IFT81: variants seen among roughly 807,000 people sequenced by gnomAD.
The protein encoded by IFT81 is intraflagellar transport protein 81 homolog.
A neutral mutation model predicts 102.6 loss-of-function variants in IFT81; 72 were observed. That is an observed-to-expected ratio of 0.70 (90% confidence interval 0.58 to 0.85). The LOEUF is 0.85. Among genes scored for constraint, IFT81 ranks in the 40% least tolerant of loss-of-function variants. IFT81 has a pLI of 0.00. For synonymous variants in IFT81, 237 were observed against 242.7 expected, an observed-to-expected ratio of 0.98 and a Z score of 0.22; for missense variants, 723 against 787.3, an observed-to-expected ratio of 0.92 and a Z score of 0.98.
intron 4 of IFT81, among the ~76,000 whole-genome samples, chr12:110,132,011 A>G (rs1401717731): frequency 6.6e-6 from 1 of 152,124 alleles, no homozygotes. Flanking sequence ...TGAAGCAGGA[A>G]AGTAACCAGA....
chr12:110,128,603 A>T, intron 3 of IFT81, among the ~76,000 whole-genome samples: 1 of 151,690 alleles, frequency 6.6e-6, no homozygotes, highest in East Asian at 1.9e-4. Context: ...CAGCCAGGGC[A>T]ACATGGCGAA....
chr12:110,209,303 A>G (rs1002425849), intron 18 of IFT81, 87 bp downstream of exon 18: 6 of 572,578 alleles, frequency 1.0e-5, no homozygotes, highest in Admixed American at 3.5e-5. Context: ...CATTGTTTTC[A>G]AAAGGTCATA....
At chr12:110,163,696 A>G (rs1470657066) in intron 11 of IFT81, among the ~76,000 whole-genome samples, 1 of 150,492 alleles carries the variant, frequency 6.6e-6, no homozygotes, top group East Asian at 1.9e-4. Context: ...GCTCCCTGCA[A>G]CCTCTGCCTT....
At chr12:110,203,983 C>T (rs1898439345) in intron 15 of IFT81, 33 bp downstream of exon 15, 1 of 1,368,652 alleles carries the variant, frequency 7.3e-7, no homozygotes, top group South Asian at 1.2e-5. Context: ...AACAATTTAG[C>T]AAAAACTACC....
chr12:110,143,456 G>T lies in IFT81; in HGVS notation c.856G>T (p.Glu286Ter). 1 of 1,551,056 alleles carries T rather than the reference G, an allele frequency of 6.4e-7. No homozygotes were observed. Among genetic ancestry groups the T allele is most frequent in the Non-Finnish European group, 8.6e-7 (1 of 1,157,610 alleles). The change falls in exon 9 of 19, where the codon GAA becomes TAA. Residue 286 changes from glutamate (E) to a stop codon, truncating the protein, a stop_gained. Transcript: ENST00000242591. LOFTEE classifies it high-confidence loss of function. ...MVTEKFPKEL[E>*]NKKKELHFLQ... is the part of the protein sequence containing the mutation. The stretch of plus-strand genomic sequence containing the variant: ...AACTGAAAAATTTCCTAAAGAATTA[G>T]AAAATAAGAAAAAGGAATTACATTT...
chr12:110,154,029 G>A (rs1371975527), intron 10 of IFT81, among the ~76,000 whole-genome samples: 2 of 151,932 alleles, frequency 1.3e-5, no homozygotes, highest in Non-Finnish European at 2.9e-5. Context: ...TGTCACCTCG[G>A]CTGGAGTGCA....
rs139804090 is a variant in IFT81, at chr12:110,217,876, G to A, written c.1849-168G>A. 1.3e-3 allele frequency among the ~76,000 whole-genome samples: 201 copies of A among 152,146 alleles called. 1 individual carries two copies. The highest frequency in any genetic ancestry group is 4.7e-3 in the African/African-American group (193 of 41,472). On this transcript the variant is annotated intron_variant, in intron 18 of 18. Transcript: ENST00000242591. ...TTTACAGACATGAGCCACCTCGTCT[G>A]GCCTTAGTTAACTTTTATAATCTTA...
intron 14 of IFT81, among the ~76,000 whole-genome samples, chr12:110,198,441 G>A: frequency 6.6e-6 from 1 of 151,938 alleles, no homozygotes; most frequent in East Asian, 1.9e-4. Flanking sequence ...CCAGATTTCA[G>A]TACCATGTTT....
intron 18 of IFT81, among the ~76,000 whole-genome samples, chr12:110,212,050 G>A (rs1210388046): frequency 6.6e-6 from 1 of 152,052 alleles, no homozygotes; most frequent in Non-Finnish European, 1.5e-5. Context: ...CAATACATTG[G>A]TGATGGCAAA....
In IFT81 at chr12:110,200,906, C is replaced by T. The variant is rs188020331; in HGVS notation, c.1558-2958C>T. On this transcript the variant is annotated intron_variant, in intron 14 of 18. Coordinates refer to ENST00000242591, the MANE Select transcript of IFT81 (RefSeq NM_014055.4). Reference sequence around the variant, plus strand: ...CGGAGGTTGCGGTGAGCCGAGATCCCGCCACTGCACTCCAGCCTGGGCGAC... The same window carrying T: ...CGGAGGTTGCGGTGAGCCGAGATCCTGCCACTGCACTCCAGCCTGGGCGAC... Among the ~76,000 whole-genome samples the T allele has an allele frequency of 1.4e-3, 205 of 149,518 alleles. 1 individual carries two copies. Among genetic ancestry groups the T allele is most frequent in the South Asian group, 3.0e-3 (14 of 4,678 alleles).
At chr12:110,163,414 T>C (rs1896252199) in intron 11 of IFT81, among the ~76,000 whole-genome samples, 1 of 152,030 alleles carries the variant, frequency 6.6e-6, no homozygotes, top group African/African-American at 2.4e-5. Flanking sequence ...CTAATTTTTG[T>C]ATTTTTAGTA....
chr12:110,163,135 C>A, intron 11 of IFT81, 70 bp downstream of exon 11: 1 of 1,248,780 alleles, frequency 8.0e-7, no homozygotes, highest in Non-Finnish European at 1.1e-6. Flanking sequence ...GTGTGTTTGA[C>A]TTTCTTAGTG....
intron 10 of IFT81, among the ~76,000 whole-genome samples, chr12:110,154,175 G>A (rs1398486182): frequency 6.6e-6 from 1 of 151,356 alleles, no homozygotes; most frequent in Non-Finnish European, 1.5e-5. Context: ...AGTAGAGACG[G>A]GGTTTCACCA....
chr12:110,198,505 A>G lies in IFT81; in HGVS notation c.1558-5359A>G, dbSNP rs116586399. ...TCTGAATTTGTGTTTTGTGTCTTCC[A>G]TGAATTCTGGAAAAAGTCTACATAA... On this transcript the variant is annotated intron_variant, in intron 14 of 18. Coordinates refer to ENST00000242591, the MANE Select transcript of IFT81 (RefSeq NM_014055.4). Among the ~76,000 whole-genome samples, 1,398 of 152,140 alleles carry G rather than the reference A, an allele frequency of 9.2e-3. 18 individuals carry two copies. Among genetic ancestry groups the G allele is most frequent in the African/African-American group, 0.031 (1,298 of 41,504 alleles).
intron 14 of IFT81, among the ~76,000 whole-genome samples, chr12:110,202,457 CTTT>C (rs1472257322): frequency 6.9e-6 from 1 of 144,298 alleles, no homozygotes; most frequent in Non-Finnish European, 1.5e-5. Context: ...GTGATTCCAC[CTTT>C]TTTTTTTTTT....
At chr12:110,142,646 T>G (rs1018048305) in intron 8 of IFT81, among the ~76,000 whole-genome samples, 1 of 151,984 alleles carries the variant, frequency 6.6e-6, no homozygotes, top group African/African-American at 2.4e-5. Context: ...ATCCCAGCAC[T>G]TTGAGAGGCT....
intron 1 of IFT81, among the ~76,000 whole-genome samples, chr12:110,125,341 CAAT>C (rs753909281): frequency 6.6e-6 from 1 of 152,110 alleles, no homozygotes; most frequent in Non-Finnish European, 1.5e-5. Flanking sequence ...TATTTCTTAG[CAAT>C]AATAATTATT....
chr12:110,130,820 A>T (rs1894120062), intron 4 of IFT81, among the ~76,000 whole-genome samples: 1 of 151,934 alleles, frequency 6.6e-6, no homozygotes, highest in South Asian at 2.1e-4. Context: ...AGAGATATAC[A>T]CACACACAAT....
chr12:110,152,826 A>G (rs2137398103), intron 10 of IFT81, among the ~76,000 whole-genome samples: 1 of 152,150 alleles, frequency 6.6e-6, no homozygotes, highest in East Asian at 1.9e-4. Flanking sequence ...AATCCCTTCA[A>G]GAGATCCTCC....
Sources: gnomAD v4.1 joint callset for allele counts (sites outside exome capture counted in the v4.1 genomes callset) on GRCh38, gnomAD v4.1.1 for gene constraint, MANE v1.5 for transcripts, NCBI Gene and HGNC (gene_info 2026-07-23, HGNC 2026-07-21) for gene names.